The following ZNF721 variants were observed in gnomAD, a reference collection of about 807,000 sequenced individuals.
The protein encoded by ZNF721 is zinc finger protein 721.
In ZNF721, 2 loss-of-function variants were observed where a neutral mutation model predicts 2.4. That is an observed-to-expected ratio of 0.82 (90% CI 0.34 to 2.58). The LOEUF (loss-of-function observed/expected upper bound fraction) is 2.58, where lower values mean the gene tolerates loss of function less well. ZNF721 is among the 30% of genes most tolerant of loss of function. The probability of loss-of-function intolerance (pLI) is 0.11; values close to 1 mark genes in which losing one functional copy is unlikely to be tolerated. For missense variants in ZNF721, 1,187 were observed against 1,085.5 expected (o/e 1.09, Z -1.31); for synonymous variants, 398 against 381.8 (o/e 1.04, Z -0.50).
At chr4:446,430 G>T (rs1714476754) in intron 2 of ZNF721, among the ~76,000 whole-genome samples, 2 of 150,204 alleles carry the variant, frequency 1.3e-5, no homozygotes, top group South Asian at 4.2e-4. Flanking sequence ...ACCCAGACTG[G>T]AGTGCAGTGG....
rs368742165 is a variant in ZNF721, at chr4:442,476, G to C, written c.1991C>G (p.Thr664Ser). ...TTCACATTTGTAACTTTGCTCTCCA[G>C]TAAGAATTTTCGTGTGTTGATTCAG... ...TDLNQHTKIL[T>S]GEQSYKCEEC... is the part of the protein sequence containing the mutation. Residue 664 changes from threonine to serine, a missense_variant, in exon 3 of 3, where the codon ACT (threonine) becomes AGT (serine). Physicochemically the swap from Thr to Ser is moderately conservative, Grantham distance 58. Transcript: ENST00000511833. 3 of 1,612,814 alleles carry C rather than the reference G, an allele frequency of 1.9e-6. No homozygotes were observed. The highest frequency in any genetic ancestry group is 2.5e-6 in the Non-Finnish European group (3 of 1,179,028).
chr4:460,904 T>A (rs557992614), intron 2 of ZNF721, among the ~76,000 whole-genome samples: 2 of 152,296 alleles, frequency 1.3e-5, no homozygotes, highest in South Asian at 4.1e-4. Context: ...CAGGAAGAAG[T>A]TGAACCCCTG....
intron 2 of ZNF721, among the ~76,000 whole-genome samples, chr4:465,632 C>T (rs930085895): frequency 4.6e-5 from 7 of 151,910 alleles, no homozygotes; most frequent in African/African-American, 1.7e-4. Context: ...TGGGTTTCCA[C>T]CATGTTAGCC....
In ZNF721 at chr4:442,589, C is replaced by T. The variant is rs782007947; in HGVS notation, c.1878G>A (p.Thr626=). The change falls in exon 3 of 3, where the codon ACG becomes ACA. Residue 626 remains threonine (T), a synonymous_variant. Transcript: ENST00000511833. ...AAATTTTCTTCTGTTGATTCAGGTC[C>T]GTGTACCATACAAAGTCTTTGCCAC... The part of the protein sequence containing the change: ...EECGKDFVWY[T]DLNQQKKIYT... 2.7e-5 allele frequency: 44 copies of T among 1,600,618 alleles called. No individual in the cohort carries two copies. In the Admixed American group the frequency reaches 4.3e-4, roughly 16 times the overall value.
intron 1 of ZNF721, among the ~76,000 whole-genome samples, chr4:479,129 C>T (rs1185048146): frequency 6.6e-6 from 1 of 152,150 alleles, no homozygotes; most frequent in East Asian, 1.9e-4. Flanking sequence ...AGAGTCAGCC[C>T]TTTCCCCATT....
intron 2 of ZNF721, among the ~76,000 whole-genome samples, chr4:444,983 T>C: frequency 1.0e-5 from 1 of 99,768 alleles, no homozygotes; most frequent in Admixed American, 9.7e-5. Flanking sequence ...GAGAGACTTT[T>C]TTTTTTTTTT....
Position 443,484 on chromosome 4 carries a change from G to C in ZNF721, c.983C>G (p.Thr328Ser), listed in dbSNP as rs1553863654. The change falls in exon 3 of 3, where the codon ACT becomes AGT. Residue 328 changes from threonine (T) to serine (S), a missense_variant. Thr to Ser is a moderately conservative substitution (Grantham distance 58). Transcript: ENST00000511833. ...TCCACATGTGTAGGGTTTCTCTCCA[G>C]TATGAATTCTCCTATGTACATAAAG... ...ANLYVHRRIH[T>S]GEKPYTCGEC... is the part of the protein sequence containing the mutation. 1.2e-6 allele frequency: 2 copies of C among 1,613,774 alleles called. No homozygotes were observed. Among genetic ancestry groups the C allele is most frequent in the Admixed American group, 1.7e-5 (1 of 60,006 alleles).
intron 1 of ZNF721, among the ~76,000 whole-genome samples, chr4:479,301 A>G (rs1715715712): frequency 6.6e-6 from 1 of 152,114 alleles, no homozygotes; most frequent in Non-Finnish European, 1.5e-5. Flanking sequence ...TTGCCCGGGA[A>G]GCAGCCAGCC....
At chr4:468,043 G>A (rs1410632135) in intron 2 of ZNF721, among the ~76,000 whole-genome samples, 1 of 152,168 alleles carries the variant, frequency 6.6e-6, no homozygotes, top group African/African-American at 2.4e-5. Context: ...ACTTTGGGAG[G>A]CCGAGGCGGG....
chr4:442,644 G>C lies in ZNF721; in HGVS notation c.1823C>G (p.Thr608Ser). 4 of 1,613,910 alleles carry C rather than the reference G, an allele frequency of 2.5e-6. No homozygotes were observed. Among genetic ancestry groups the C allele is most frequent in the Non-Finnish European group, 3.4e-6 (4 of 1,179,924 alleles). ...TDLNQHKKIHTGEKLYKCEEC... is the reference protein window; with the variant it reads ...TDLNQHKKIHSGEKLYKCEEC... ...TTCACATTTGTAAAGTTTCTCTCCA[G>C]TATGAATTTTCTTGTGTTGATTCAG... Residue 608 changes from threonine (T) to serine (S), a missense_variant, in exon 3 of 3, where the codon ACT becomes AGT. Thr to Ser is a moderately conservative substitution (Grantham distance 58). Transcript: ENST00000511833.
chr4:469,711 G>A (rs1715372517), intron 2 of ZNF721, among the ~76,000 whole-genome samples: 1 of 152,150 alleles, frequency 6.6e-6, no homozygotes, highest in African/African-American at 2.4e-5. Flanking sequence ...AGTATGGCAT[G>A]TGCATAAACA....
At chr4:465,623 G>T (rs1241658903) in intron 2 of ZNF721, among the ~76,000 whole-genome samples, 1 of 151,820 alleles carries the variant, frequency 6.6e-6, no homozygotes, top group Non-Finnish European at 1.5e-5. Flanking sequence ...TAGTAGAGAT[G>T]GGTTTCCACC....
At chr4:453,168 C>T (rs1553865001) in intron 2 of ZNF721, among the ~76,000 whole-genome samples, 1 of 152,220 alleles carries the variant, frequency 6.6e-6, no homozygotes, top group Non-Finnish European at 1.5e-5. Flanking sequence ...AAAACATAAG[C>T]ATTTCTGATG....
At chr4:458,603 TTG>T (rs1355618364) in intron 2 of ZNF721, among the ~76,000 whole-genome samples, 1 of 152,066 alleles carries the variant, frequency 6.6e-6, no homozygotes, top group Non-Finnish European at 1.5e-5. Context: ...TCCCAGCACT[TTG>T]GAGGCCAAGG....
In ZNF721 at chr4:443,760, A is replaced by G; in HGVS notation, c.707T>C (p.Leu236Pro). The G allele has an allele frequency of 6.2e-7, 1 of 1,614,038 alleles. No homozygotes were observed. Among genetic ancestry groups the G allele is most frequent in the South Asian group, 1.1e-5 (1 of 91,078 alleles). The change falls in exon 3 of 3, where the codon CTG becomes CCG. Residue 236 changes from leucine to proline, a missense_variant. Physicochemically the swap from Leu to Pro is moderately conservative, Grantham distance 98 (BLOSUM62 -3). Transcript: ENST00000511833. ...CGKAFMHSSHLNKHEKIHTGE... is the reference protein window; with the variant it reads ...CGKAFMHSSHPNKHEKIHTGE... ...AGTATGAATTTTCTCATGTTTATTC[A>G]GGTGTGAGGAATGCATAAAGGCTTT...
In ZNF721 at chr4:445,692, A is replaced by C. The variant is rs146307754; in HGVS notation, c.35-1260T>G. Among the ~76,000 whole-genome samples the C allele has an allele frequency of 2.3e-3, 350 of 152,292 alleles. 4 individuals are homozygous for C. Among genetic ancestry groups the C allele is most frequent in the Non-Finnish European group, 3.9e-3 (266 of 68,012 alleles). On this transcript the variant is annotated intron_variant, in intron 2 of 2. Coordinates refer to ENST00000511833, the MANE Select transcript of ZNF721 (RefSeq NM_133474.4). ...AAAAACATAAAAAAAGGAGGTGAAA[A>C]ATATAAAATAATGACTCAGAAATTT...
At chr4:446,963 C>T (rs976724381) in intron 2 of ZNF721, among the ~76,000 whole-genome samples, 2 of 152,148 alleles carry the variant, frequency 1.3e-5, no homozygotes, top group African/African-American at 2.4e-5. Flanking sequence ...TGGGATTACA[C>T]ACGTGAGTCA....
Position 441,925 on chromosome 4 carries a change from G to A in ZNF721, c.2542C>T (p.Gln848Ter). 3.7e-6 allele frequency: 6 copies of A among 1,613,792 alleles called. No homozygotes were observed. The highest frequency in any genetic ancestry group is 2.2e-5 in the South Asian group (2 of 91,080). ...CTATGTACATAAAGGATTGCTGACT[G>A]TCTAAAGGCTTTGCCACATTCTTCA... ...TCEECGKAFR[Q>*]SAILYVHRRI... Residue 848 changes from glutamine to a stop codon, truncating the protein, a stop_gained, in exon 3 of 3, where the codon CAG becomes TAG. Transcript: ENST00000511833. LOFTEE classifies it low-confidence loss of function (END_TRUNC).
Position 444,338 on chromosome 4 carries a change from C to T in ZNF721, c.129G>A (p.Gly43=). The change falls in exon 3 of 3, where the codon GGG becomes GGA. Residue 43 remains glycine (G), a synonymous_variant. Coordinates refer to ENST00000511833, the MANE Select transcript of ZNF721 (RefSeq NM_133474.4). ...KLILRRYEKC[G]HDNLQLRKGC... is the part of the protein sequence containing the mutation. Reference sequence around the variant, plus strand: ...CTTTCCTTAATTGTAAATTATCATGCCCACATTTCTCATATCTTCTCAGTA... The same window carrying T: ...CTTTCCTTAATTGTAAATTATCATGTCCACATTTCTCATATCTTCTCAGTA... 1 of 1,614,058 alleles carries T rather than the reference C, an allele frequency of 6.2e-7. No homozygotes were observed. Among genetic ancestry groups the T allele is most frequent in the African/African-American group, 1.3e-5 (1 of 75,052 alleles).
Sources: allele counts gnomAD v4.1 joint callset (sites outside exome capture counted in the v4.1 genomes callset), GRCh38; gene constraint gnomAD v4.1.1; transcripts MANE v1.5; gene names NCBI Gene and HGNC (gene_info 2026-07-23, HGNC 2026-07-21).